The following ATP11C variants were observed in gnomAD, a reference collection of about 807,000 sequenced individuals.
ATP11C encodes ATPase phospholipid transporting 11C (ATP11C blood group).
In ATP11C, 36 loss-of-function variants were observed where a neutral mutation model predicts 97.4. The ratio of observed to expected loss-of-function variants is 0.37; its 90% CI spans 0.28 to 0.49. The LOEUF (loss-of-function observed/expected upper bound fraction) is 0.49, where lower values mean the gene tolerates loss of function less well. Ranked by LOEUF, ATP11C falls within the 20% of genes least tolerant of loss-of-function variation. The pLI, the probability that ATP11C is intolerant of heterozygous loss-of-function variation, is 0.98. For synonymous variants in ATP11C, 275 were observed against 290.9 expected (o/e 0.95, Z 0.56); for missense variants, 730 against 824.6 (o/e 0.89, Z 1.40).
At chrX:139,914,348 A>G (rs1263491550) in intron 1 of ATP11C, among the ~76,000 whole-genome samples, 1 of 112,319 alleles carries the variant, frequency 8.9e-6, no homozygotes. Flanking sequence ...CCTTTATTTT[A>G]CAGATGGGAA....
At chrX:139,833,522 A>G (rs2083694950) in intron 1 of ATP11C, among the ~76,000 whole-genome samples, 1 of 109,612 alleles carries the variant, frequency 9.1e-6, no homozygotes, top group Non-Finnish European at 1.9e-5. Flanking sequence ...TGTCTCTACG[A>G]AAAAAAAATT....
At chrX:139,806,199 G>A (rs1324888195) in intron 5 of ATP11C, among the ~76,000 whole-genome samples, 1 of 111,407 alleles carries the variant, frequency 9.0e-6, no homozygotes, top group Non-Finnish European at 1.9e-5. Context: ...AGATCACAAA[G>A]GGCTTAGCAG....
rs916343544 is a variant in ATP11C, at chrX:139,761,735, A to G, written c.2640+226T>C. Among the ~76,000 whole-genome samples, 4 of 111,318 alleles carry G rather than the reference A, an allele frequency of 3.6e-5. No homozygotes were observed. In the Admixed American group the frequency reaches 3.8e-4, roughly 11 times the overall value. On this transcript the variant is annotated intron_variant, in intron 22 of 29. Coordinates refer to ENST00000682941, the MANE Select transcript of ATP11C (RefSeq NM_001353812.2). ...GAATACACTTTATTGTATTTAATTT[A>G]CATTTCAATAAGGAGGGCTTAAAAA...
chrX:139,823,704 A>G (rs1172805880), intron 2 of ATP11C, among the ~76,000 whole-genome samples: 1 of 112,405 alleles, frequency 8.9e-6, no homozygotes, highest in Non-Finnish European at 1.9e-5. Context: ...TAATAAAGTT[A>G]GCAGTCAACT....
chrX:139,915,118 CTAAAG>C (rs1328123566), intron 1 of ATP11C, among the ~76,000 whole-genome samples: 1 of 111,064 alleles, frequency 9.0e-6, no homozygotes, highest in African/African-American at 3.3e-5. Flanking sequence ...ATGCCTACAC[CTAAAG>C]TAAAATTTTA....
chrX:139,893,082 G>A (rs940229844), intron 1 of ATP11C, among the ~76,000 whole-genome samples: 1 of 112,245 alleles, frequency 8.9e-6, no homozygotes, highest in African/African-American at 3.2e-5. Flanking sequence ...TTGTCGCCCA[G>A]GCTGGAGTGC....
chrX:139,864,630 C>T (rs1222103075), intron 1 of ATP11C, among the ~76,000 whole-genome samples: 1 of 111,878 alleles, frequency 8.9e-6, no homozygotes, highest in African/African-American at 3.3e-5. Context: ...GTGTCTGGCC[C>T]ATAGTTGGCA....
intron 1 of ATP11C, among the ~76,000 whole-genome samples, chrX:139,914,121 C>T (rs2085119888): frequency 8.9e-6 from 1 of 111,968 alleles, no homozygotes; most frequent in South Asian, 3.8e-4. Context: ...CCATGCAGTT[C>T]ACAGATAAGG....
In ATP11C at chrX:139,789,323, G is replaced by A. The variant is rs1169325060; in HGVS notation, c.1368+4C>T. 10 of 1,189,815 alleles carry A rather than the reference G, an allele frequency of 8.4e-6. No homozygotes were observed. In the South Asian group the frequency reaches 1.9e-4, roughly 22 times the overall value. ...TCTTATATAAAACAATAATGCAAAT[G>A]CACCTTATCTACTTTGTCAAAATAT... On this transcript the variant is annotated splice_donor_region_variant and intron_variant, in intron 13 of 29. Transcript: ENST00000682941.
At chrX:139,912,665 A>C (rs902858559) in intron 1 of ATP11C, among the ~76,000 whole-genome samples, 2 of 111,518 alleles carry the variant, frequency 1.8e-5, no homozygotes, top group African/African-American at 6.5e-5. Flanking sequence ...ATGCACATTG[A>C]ATTTCATGAC....
intron 22 of ATP11C, among the ~76,000 whole-genome samples, chrX:139,761,042 G>C (rs2082027243): frequency 9.0e-6 from 1 of 111,120 alleles, no homozygotes; most frequent in South Asian, 3.9e-4. Context: ...CCAGCACTTT[G>C]AGAGGCTGAG....
Position 139,782,534 on chromosome X carries a change from AT to A in ATP11C, c.1952+12del, listed in dbSNP as rs1265617833. 8.6e-7 allele frequency: 1 copy of A among 1,157,588 alleles called. No individual in the cohort carries two copies. ...TGGTCATTAAAATAATAAGAGTATC[AT>A]TTTCTAGTTACTTGTCTTCAACTGC... On this transcript the variant is annotated intron_variant, in intron 18 of 29. Coordinates refer to ENST00000682941, the MANE Select transcript of ATP11C (RefSeq NM_001353812.2).
chrX:139,768,505 A>T, intron 19 of ATP11C, 71 bp from the exon 20 acceptor site: 2 of 814,519 alleles, frequency 2.5e-6, no homozygotes, highest in Non-Finnish European at 3.3e-6. Context: ...TTTTTTTTTT[A>T]AACAACAAAG....
intron 4 of ATP11C, 96 bp from the exon 5 acceptor site, chrX:139,815,081 T>G: frequency 2.2e-6 from 1 of 454,863 alleles, no homozygotes; most frequent in Non-Finnish European, 3.7e-6. Flanking sequence ...ACCAAATATT[T>G]ATAATTATAG....
rs914096774 is a variant in ATP11C, at chrX:139,737,713, A to G, written c.3288+203T>C. 10 of 502,021 alleles carry G rather than the reference A, an allele frequency of 2.0e-5. No homozygotes were observed. In the African/African-American group the frequency reaches 2.1e-4, roughly 10 times the overall value. 41.4% of individuals were successfully genotyped at this position (502,021 alleles called of 1,213,427 possible). A position where few individuals can be genotyped will look rare whatever the true frequency, so the allele number is the denominator to read the frequency against. ...ATTGCCGAAGGTCACATAGAACACT[A>G]TTAAGGAATCTACTTACCACCTGCA... On this transcript the variant is annotated intron_variant, in intron 28 of 29. Coordinates refer to ENST00000682941, the MANE Select transcript of ATP11C (RefSeq NM_001353812.2).
At chrX:139,838,297 T>A (rs1603397208) in intron 1 of ATP11C, among the ~76,000 whole-genome samples, 1 of 112,111 alleles carries the variant, frequency 8.9e-6, no homozygotes, top group South Asian at 3.7e-4. Flanking sequence ...GTTTTACTTC[T>A]ATTTTCATAC....
upstream of ATP11C, among the ~76,000 whole-genome samples, chrX:139,934,038 G>A (rs781613634): frequency 9.0e-4 from 101 of 111,778 alleles, no homozygotes; most frequent in Non-Finnish European, 1.5e-3. Flanking sequence ...GATTAAACTA[G>A]CCCTTGAAAC....
chrX:139,908,400 C>T (rs2485730), intron 1 of ATP11C, among the ~76,000 whole-genome samples: 7,235 of 112,192 alleles, frequency 0.064, 562 homozygotes, highest in African/African-American at 0.22. Context: ...ATTCATAACA[C>T]TTATGAAAAT....
At chrX:139,866,313 C>T (rs2084281676) in intron 1 of ATP11C, among the ~76,000 whole-genome samples, 1 of 89,274 alleles carries the variant, frequency 1.1e-5, no homozygotes, top group Middle Eastern at 7.0e-3. Flanking sequence ...CACTATACTC[C>T]AGCCTGGGTG....
Sources: gnomAD v4.1 joint callset for allele counts (sites outside exome capture counted in the v4.1 genomes callset) on GRCh38, gnomAD v4.1.1 for gene constraint, MANE v1.5 for transcripts, NCBI Gene and HGNC (gene_info 2026-07-23, HGNC 2026-07-21) for gene names.